The following UBE2K variants were observed in gnomAD, a reference collection of about 807,000 sequenced individuals.
The protein encoded by UBE2K is ubiquitin conjugating enzyme E2 K, also known as ubiquitin-conjugating enzyme E2 K.
Under a neutral mutation model 30.0 loss-of-function variants are expected in UBE2K, and 6 were observed. The ratio of observed to expected loss-of-function variants is 0.20; its 90% CI spans 0.11 to 0.39. UBE2K has a LOEUF of 0.39. Among genes scored for constraint, UBE2K ranks in the 10% least tolerant of loss-of-function variants. UBE2K has a pLI of 1.00. For synonymous variants in UBE2K, 86 were observed against 83.7 expected (o/e 1.03, Z -0.15); for missense variants, 61 against 241.6 (o/e 0.25, Z 4.96).
At chr4:39,769,968 C>T in intron 4 of UBE2K, 1 of 737,510 alleles carries the variant, frequency 1.4e-6, no homozygotes, top group South Asian at 1.8e-5. Flanking sequence ...TGCTCAGCCT[C>T]CCACTCTTAC....
At chr4:39,770,200 CGCAGTAGGAGCA>C in intron 4 of UBE2K, 1 of 1,610,454 alleles carries the variant, frequency 6.2e-7, no homozygotes, top group Non-Finnish European at 8.5e-7. Context: ...AAGCGCATGT[CGCAGTAGGAGCA>C]GCGGTAGGGC....
At chr4:39,776,178 A>G (rs1175931059) in intron 5 of UBE2K, among the ~76,000 whole-genome samples, 1 of 152,220 alleles carries the variant, frequency 6.6e-6, no homozygotes, top group Non-Finnish European at 1.5e-5. Flanking sequence ...TCCAAGGAAC[A>G]TTCATATGGT....
At chr4:39,772,844 C>T (rs1427416121) in intron 4 of UBE2K, among the ~76,000 whole-genome samples, 1 of 151,790 alleles carries the variant, frequency 6.6e-6, no homozygotes, top group Non-Finnish European at 1.5e-5. Flanking sequence ...CATGCCACCA[C>T]GCCCAGCTAA....
intron 4 of UBE2K, chr4:39,770,493 C>T: frequency 3.7e-6 from 6 of 1,610,392 alleles, no homozygotes; most frequent in Non-Finnish European, 5.1e-6. Context: ...ACCTGAGAAG[C>T]TCCCAGGCAG....
chr4:39,701,062 A>C (rs1717981840), intron 1 of UBE2K, among the ~76,000 whole-genome samples: 1 of 147,630 alleles, frequency 6.8e-6, no homozygotes. Context: ...ATTTTGTGTC[A>C]TACAAATGTG....
intron 1 of UBE2K, among the ~76,000 whole-genome samples, chr4:39,729,651 T>G (rs1198508730): frequency 6.6e-6 from 1 of 152,158 alleles, no homozygotes; most frequent in Admixed American, 6.5e-5. Flanking sequence ...AGCCAGGTGA[T>G]CTCTAAGAGA....
chr4:39,737,372 G>A (rs1319813462), intron 1 of UBE2K, 48 bp from the exon 2 acceptor site: 3 of 1,242,868 alleles, frequency 2.4e-6, no homozygotes, highest in Non-Finnish European at 3.3e-6. Flanking sequence ...TACTTTAGGC[G>A]TTTTTCTTGC....
At chr4:39,713,285 A>ATTTTTTTTTT (rs1244665609) in intron 1 of UBE2K, among the ~76,000 whole-genome samples, 1 of 39,370 alleles carries the variant, frequency 2.5e-5, no homozygotes, top group Non-Finnish European at 4.4e-5. Context: ...TTCTGTAGGA[A>ATTTTTTTTTT]ATTTTTTTTT....
Position 39,771,500 on chromosome 4 carries a change from C to A in UBE2K, c.300-3334C>A, listed in dbSNP as rs867466141. The A allele has an allele frequency of 3.1e-5, 46 of 1,463,076 alleles. No individual in the cohort carries two copies. The Middle Eastern group carries it at 3.6e-3, about 115-fold the overall frequency. The allele number at this position is 1,463,076 out of a possible 1,614,324, so 90.6% of individuals were successfully genotyped here. On this transcript the variant is annotated intron_variant, in intron 4 of 6. Transcript: ENST00000261427. Reference sequence around the variant, plus strand: ...CTGTTTTTTTTTAATCCCCTATTTTCCCCACCCCCGCGGGGCCGGAAGCGC... The same window carrying A: ...CTGTTTTTTTTTAATCCCCTATTTTACCCACCCCCGCGGGGCCGGAAGCGC...
At position 39,723,382 on chromosome 4, in the gene UBE2K, TC is replaced by T. The variant is rs1553875736; in HGVS notation, c.64-14036del. Among the ~76,000 whole-genome samples the T allele has an allele frequency of 9.0e-3, 1,332 of 147,320 alleles. 29 individuals carry two copies. Among genetic ancestry groups the T allele is most frequent in the African/African-American group, 0.032 (1,256 of 39,188 alleles). ...CTTCTCTTTTTTTTTTTTTTTTTTT[TC>T]CTTCAGACTGAGTCTCGCCCTGTTG... On this transcript the variant is annotated intron_variant, in intron 1 of 6. Transcript: ENST00000261427.
intron 1 of UBE2K, among the ~76,000 whole-genome samples, chr4:39,716,849 T>G (rs1359665017): frequency 6.6e-6 from 1 of 151,684 alleles, no homozygotes; most frequent in African/African-American, 2.4e-5. Context: ...ATACAAAAAA[T>G]TAGTAGGGCA....
At chr4:39,769,591 A>G (rs776739530) in intron 4 of UBE2K, among the ~76,000 whole-genome samples, 21 of 150,790 alleles carry the variant, frequency 1.4e-4, no homozygotes, top group South Asian at 2.1e-4. Context: ...CTGGGACTCA[A>G]TAATCTTTTC....
chr4:39,745,961 G>T, intron 3 of UBE2K, 151 bp downstream of exon 3: 1 of 573,294 alleles, frequency 1.7e-6, no homozygotes, highest in Non-Finnish European at 2.8e-6. Context: ...TTAGATAATG[G>T]CAGGTGGCTG....
intron 4 of UBE2K, 102 bp from the exon 5 acceptor site, chr4:39,774,728 CTAAG>C: frequency 2.1e-6 from 1 of 476,354 alleles, no homozygotes; most frequent in Non-Finnish European, 3.5e-6. Context: ...AGATAAAGAT[CTAAG>C]TAACTTTTAG....
At chr4:39,734,793 G>A (rs972724625) in intron 1 of UBE2K, among the ~76,000 whole-genome samples, 3 of 152,164 alleles carry the variant, frequency 2.0e-5, no homozygotes, top group African/African-American at 4.8e-5. Flanking sequence ...CCAGGGTGAT[G>A]GGAGTGAGAC....
chr4:39,735,617 G>C (rs553734590), intron 1 of UBE2K, among the ~76,000 whole-genome samples: 1 of 152,026 alleles, frequency 6.6e-6, no homozygotes, highest in Non-Finnish European at 1.5e-5. Context: ...TCCTGACCTC[G>C]TGATCTGCCC....
At chr4:39,754,426 T>C (rs1407775196) in intron 3 of UBE2K, among the ~76,000 whole-genome samples, 1 of 152,164 alleles carries the variant, frequency 6.6e-6, no homozygotes, top group African/African-American at 2.4e-5. Flanking sequence ...TAGAAATAGG[T>C]AGTGTAAACA....
At chr4:39,754,753 G>A (rs776062815) in intron 3 of UBE2K, among the ~76,000 whole-genome samples, 38 of 152,028 alleles carry the variant, frequency 2.5e-4, no homozygotes, top group Non-Finnish European at 4.1e-4. Context: ...TGATCCTCCC[G>A]CCTCAGCCTC....
At chr4:39,735,564 G>T (rs886602490) in intron 1 of UBE2K, among the ~76,000 whole-genome samples, 1 of 152,078 alleles carries the variant, frequency 6.6e-6, no homozygotes, top group Non-Finnish European at 1.5e-5. Flanking sequence ...TGTATTTTTA[G>T]TAGAGACAGG....
Sources: allele counts gnomAD v4.1 joint callset (sites outside exome capture counted in the v4.1 genomes callset), GRCh38; gene constraint gnomAD v4.1.1; transcripts MANE v1.5; gene names NCBI Gene and HGNC (gene_info 2026-07-23, HGNC 2026-07-21).